The following GTF2A1L variants were observed in gnomAD, a reference collection of about 807,000 sequenced individuals.
GTF2A1L encodes TFIIA-alpha and beta-like factor.
A neutral mutation model predicts 49.7 loss-of-function variants in GTF2A1L; 48 were observed. That is an observed-to-expected ratio of 0.97 (90% CI 0.77 to 1.23). The LOEUF is 1.23. Ranked by LOEUF, GTF2A1L falls within the 50% of genes most tolerant of loss-of-function variation. The probability of loss-of-function intolerance (pLI) is 0.00; values close to 1 mark genes in which losing one functional copy is unlikely to be tolerated. For synonymous variants in GTF2A1L, 246 were observed against 193.5 expected, an observed-to-expected ratio of 1.27 and a Z score of -2.25; for missense variants, 736 against 564.8, an observed-to-expected ratio of 1.30 and a Z score of -3.07.
chr2:48,639,328 G>T (rs35461667), intron 3 of GTF2A1L, among the ~76,000 whole-genome samples: 26,045 of 152,110 alleles, frequency 0.17, 2,584 homozygotes, highest in South Asian at 0.25. Flanking sequence ...AACCAAAACA[G>T]CATGGTACTG....
chr2:48,639,870 T>TTA (rs1306310358), intron 3 of GTF2A1L, among the ~76,000 whole-genome samples: 1 of 152,074 alleles, frequency 6.6e-6, no homozygotes, highest in African/African-American at 2.4e-5. Flanking sequence ...AACAGTCCCG[T>TTA]TAAAATGTGG....
intron 3 of GTF2A1L, among the ~76,000 whole-genome samples, chr2:48,634,202 T>C (rs1031777854): frequency 3.3e-5 from 5 of 152,160 alleles, no homozygotes; most frequent in Non-Finnish European, 7.3e-5. Flanking sequence ...AACCTTCGTC[T>C]CCGGGTTCAA....
Position 48,621,245 on chromosome 2 carries a change from C to G in GTF2A1L, c.202C>G (p.Leu68Val). 6 of 1,614,114 alleles carry G rather than the reference C, an allele frequency of 3.7e-6. No individual in the cohort carries two copies. The highest frequency in any genetic ancestry group is 5.1e-6 in the Non-Finnish European group (6 of 1,180,004). ...TAGCATCCAATCACCTCTGTTTACT[C>G]TTCAGTTGCCGCACAGCTTGCACCA... ...RNSIQSPLFT[L>V]QLPHSLHQTL... The change falls in exon 3 of 9, where the codon CTT (leucine) becomes GTT (valine). Residue 68 changes from leucine to valine, a missense_variant. Physicochemically the swap from Leu to Val is conservative, Grantham distance 32 (BLOSUM62 1). Transcript: ENST00000403751.
chr2:48,663,227 A>G (rs1678621829), intron 6 of GTF2A1L, among the ~76,000 whole-genome samples: 1 of 152,114 alleles, frequency 6.6e-6, no homozygotes, highest in Non-Finnish European at 1.5e-5. Context: ...TGAGTTCAGG[A>G]GTTCAAGACC....
At chr2:48,639,758 C>A (rs1677101103) in intron 3 of GTF2A1L, among the ~76,000 whole-genome samples, 1 of 152,114 alleles carries the variant, frequency 6.6e-6, no homozygotes. Flanking sequence ...ACAGAGGAAG[C>A]AGCCTACAGA....
chr2:48,634,068 A>T lies in GTF2A1L; in HGVS notation c.248-8334A>T, dbSNP rs969288180. On this transcript the variant is annotated intron_variant, in intron 3 of 8. Transcript: ENST00000403751. ...CTAACTTGCCACTTTGTGCCTTTTTAGTGGAGTGTTTAGACCATTTACATT... is the reference window on the plus strand; with the variant it reads ...CTAACTTGCCACTTTGTGCCTTTTTTGTGGAGTGTTTAGACCATTTACATT... 4.0e-5 allele frequency among the ~76,000 whole-genome samples: 6 copies of T among 151,868 alleles called. 1 individual carries two copies. Among genetic ancestry groups the T allele is most frequent in the African/African-American group, 1.5e-4 (6 of 41,320 alleles).
chr2:48,664,147 A>T (rs1678681022), intron 6 of GTF2A1L, among the ~76,000 whole-genome samples: 1 of 152,070 alleles, frequency 6.6e-6, no homozygotes, highest in Non-Finnish European at 1.5e-5. Flanking sequence ...TATTGCACTG[A>T]CTAGGACTTC....
chr2:48,663,950 T>G (rs1020005959), intron 6 of GTF2A1L, among the ~76,000 whole-genome samples: 1 of 152,238 alleles, frequency 6.6e-6, no homozygotes, highest in African/African-American at 2.4e-5. Context: ...TCTAATTGTT[T>G]ATTGCTACTA....
chr2:48,635,221 G>A (rs1351923678), intron 3 of GTF2A1L, among the ~76,000 whole-genome samples: 6 of 152,128 alleles, frequency 3.9e-5, no homozygotes, highest in Non-Finnish European at 8.8e-5. Context: ...GCCTAGGTGT[G>A]TAGCAGAGAG....
In GTF2A1L at chr2:48,645,051, G is replaced by T; in HGVS notation, c.322G>T (p.Ala108Ser). 1 of 1,612,028 alleles carries T rather than the reference G, an allele frequency of 6.2e-7. No homozygotes were observed. The highest frequency in any genetic ancestry group is 8.5e-7 in the Non-Finnish European group (1 of 1,179,290). ...TATCTAGGGCACTTCAAACTCCAGT[G>T]CAAACTTTACTTTTCCTGGTTATCC... is the stretch of plus-strand genomic sequence containing the variant. ...TAELGTSNSS[A>S]NFTFPGYPIH... The change falls in exon 5 of 9, where the codon GCA becomes TCA. Residue 108 changes from alanine (A) to serine (S), a missense_variant. Transcript: ENST00000403751.
At chr2:48,640,931 G>A (rs1393628337) in intron 3 of GTF2A1L, among the ~76,000 whole-genome samples, 1 of 152,010 alleles carries the variant, frequency 6.6e-6, no homozygotes, top group Non-Finnish European at 1.5e-5. Flanking sequence ...TTAAGTAGGA[G>A]CTGCATGAAA....
intron 3 of GTF2A1L, chr2:48,632,988 T>A (rs567156587): frequency 4.8e-6 from 1 of 209,070 alleles, no homozygotes; most frequent in Non-Finnish European, 1.0e-5. Context: ...ATTAGTAAGA[T>A]GTGCTTGGTT....
intron 6 of GTF2A1L, among the ~76,000 whole-genome samples, chr2:48,666,948 G>A (rs756610329): frequency 1.8e-4 from 27 of 151,552 alleles, no homozygotes; most frequent in Non-Finnish European, 3.4e-4. Context: ...TGTGATGGTT[G>A]GTTTTTGTTG....
At chr2:48,657,678 C>G (rs1285014736) in intron 6 of GTF2A1L, among the ~76,000 whole-genome samples, 2 of 151,926 alleles carry the variant, frequency 1.3e-5, no homozygotes, top group South Asian at 2.1e-4. Flanking sequence ...CTCCAAACTG[C>G]TTTCCACAGT....
At chr2:48,676,763 T>A (rs1324872849) in intron 8 of GTF2A1L, among the ~76,000 whole-genome samples, 1 of 151,556 alleles carries the variant, frequency 6.6e-6, no homozygotes, top group Non-Finnish European at 1.5e-5. Context: ...TACCTCAGAG[T>A]TTTAAAGGGA....
rs1463454589 is a variant in GTF2A1L at position 48,679,364 on chromosome 2, C to T, written c.1359C>T (p.Phe453=). Residue 453 remains phenylalanine, a synonymous_variant, in exon 9 of 9, where the codon TTC becomes TTT. Transcript: ENST00000403751. The part of the protein sequence containing the change: ...KIHRSKNKWK[F]YLKDGVMCFG... ...ATCGAAGCAAGAACAAATGGAAATT[C>T]TATTTGAAAGATGGTGTTATGTGTT... 5 of 1,610,856 alleles carry T rather than the reference C, an allele frequency of 3.1e-6. No homozygotes were observed. Among genetic ancestry groups the T allele is most frequent in the Non-Finnish European group, 3.4e-6 (4 of 1,178,686 alleles).
intron 8 of GTF2A1L, 131 bp from the exon 9 acceptor site, chr2:48,679,202 CTA>C: frequency 8.6e-7 from 1 of 1,161,804 alleles, no homozygotes; most frequent in East Asian, 2.7e-5. Flanking sequence ...AATAAACAAA[CTA>C]TCTTGAGGAG....
At chr2:48,655,335 A>G (rs1245732815) in intron 6 of GTF2A1L, among the ~76,000 whole-genome samples, 1 of 151,838 alleles carries the variant, frequency 6.6e-6, no homozygotes, top group East Asian at 1.9e-4. Context: ...TTAAAAATAT[A>G]TTTTTATTTT....
intron 6 of GTF2A1L, among the ~76,000 whole-genome samples, chr2:48,667,488 T>C (rs1198583425): frequency 1.3e-5 from 2 of 152,242 alleles, no homozygotes; most frequent in African/African-American, 2.4e-5. Flanking sequence ...TCTTTTCAGC[T>C]TTTACATTAT....
Sources: allele counts gnomAD v4.1 joint callset (sites outside exome capture counted in the v4.1 genomes callset), GRCh38; gene constraint gnomAD v4.1.1; transcripts MANE v1.5; gene names NCBI Gene and HGNC (gene_info 2026-07-23, HGNC 2026-07-21).